GSE1: variants seen among roughly 807,000 people sequenced by gnomAD.
The protein encoded by GSE1 is Gse1 coiled-coil protein.
In GSE1, 32 loss-of-function variants were observed where a neutral mutation model predicts 112.6. The ratio of observed to expected loss-of-function variants is 0.28; its 90% CI spans 0.21 to 0.38. The LOEUF is 0.38. Among genes scored for constraint, GSE1 ranks in the 10% least tolerant of loss-of-function variants. GSE1 has a pLI of 1.00. For missense variants in GSE1, 2,348 were observed against 1,699.2 expected (o/e 1.38, Z -6.71); for synonymous variants, 1,115 against 735.6 (o/e 1.52, Z -8.35).
chr16:85,422,423 G>A (rs962600684), intron 2 of GSE1, among the ~76,000 whole-genome samples: 5 of 152,044 alleles, frequency 3.3e-5, no homozygotes, highest in South Asian at 2.1e-4. Context: ...TTCCTCCCCC[G>A]GAGGCCTGGT....
At chr16:85,531,849 C>T (rs1225830422) in intron 2 of GSE1, among the ~76,000 whole-genome samples, 1 of 152,178 alleles carries the variant, frequency 6.6e-6, no homozygotes, top group African/African-American at 2.4e-5. Flanking sequence ...CAACTGTGGA[C>T]TTGAACTTGG....
intron 2 of GSE1, among the ~76,000 whole-genome samples, chr16:85,397,671 C>T (rs1183664341): frequency 6.6e-6 from 1 of 152,240 alleles, no homozygotes; most frequent in Non-Finnish European, 1.5e-5. Context: ...CACCACCTGC[C>T]ATCTGGCCCC....
chr16:85,329,730 C>T (rs921373560), intron 1 of GSE1, among the ~76,000 whole-genome samples: 1 of 151,958 alleles, frequency 6.6e-6, no homozygotes, highest in Non-Finnish European at 1.5e-5. Flanking sequence ...GCAGGGTAAA[C>T]ACCAGGCGCT....
chr16:85,628,745 G>C (rs564139042), intron 1 of GSE1, among the ~76,000 whole-genome samples: 7 of 152,324 alleles, frequency 4.6e-5, no homozygotes, highest in Non-Finnish European at 8.8e-5. Context: ...AGAACATACA[G>C]AGAGAGAAAA....
chr16:85,490,505 A>T (rs548280961), intron 2 of GSE1: 1 of 152,384 alleles, frequency 6.6e-6, no homozygotes, highest in South Asian at 2.1e-4. Flanking sequence ...AGGAATGATG[A>T]TGTAGGAGGC....
chr16:85,669,067 G>A (rs981434738), intron 14 of GSE1, among the ~76,000 whole-genome samples: 3 of 152,256 alleles, frequency 2.0e-5, no homozygotes, highest in Admixed American at 1.3e-4. Flanking sequence ...CAGGGAGTGG[G>A]GCCACGAAGT....
chr16:85,653,097 G>A (rs529349788), intron 3 of GSE1, among the ~76,000 whole-genome samples: 2 of 149,558 alleles, frequency 1.3e-5, no homozygotes, highest in East Asian at 2.0e-4. Flanking sequence ...GGCTGAGAAC[G>A]GCTGCCCCAG....
At chr16:85,596,742 C>T (rs1372855441) in intron 1 of GSE1, among the ~76,000 whole-genome samples, 5 of 152,154 alleles carry the variant, frequency 3.3e-5, no homozygotes, top group Non-Finnish European at 7.3e-5. Flanking sequence ...TTCTCTTCAT[C>T]ATGGAAAGTT....
rs544100517 is a variant in GSE1 at position 85,671,098 on chromosome 16, G to A, written c.3519G>A (p.Ala1173=). The change falls in exon 15 of 16, where the codon GCG becomes GCA. Residue 1173 remains alanine (A), a splice_region_variant and synonymous_variant. Transcript: ENST00000253458. ...CAGAGCAGCTCTCCCACAGCGTGGC[G>A]GTGAGTTGGGAAGGGATGGAAACCT... ...LTAEQLSHSV[A]ELRSQKQKMV... 70 of 1,577,834 alleles carry A rather than the reference G, an allele frequency of 4.4e-5. No homozygotes were observed. Among genetic ancestry groups the A allele is most frequent in the South Asian group, 3.5e-4 (32 of 90,362 alleles).
intron 2 of GSE1, among the ~76,000 whole-genome samples, chr16:85,541,609 G>A (rs903974003): frequency 2.6e-5 from 4 of 152,246 alleles, no homozygotes; most frequent in South Asian, 2.1e-4. Flanking sequence ...CAGAGGGTTC[G>A]CTTCTGTGCC....
chr16:85,552,320 C>CAGTCTCAGGT (rs1434234907), upstream of GSE1, among the ~76,000 whole-genome samples: 376 of 105,228 alleles, frequency 3.6e-3, no homozygotes, highest in Middle Eastern at 6.7e-3. Context: ...CCACCGCACC[C>CAGTCTCAGGT]GCCCCTCCTT....
upstream of GSE1, among the ~76,000 whole-genome samples, chr16:85,554,462 C>G (rs541969456): frequency 1.6e-3 from 239 of 152,242 alleles, 1 homozygote; most frequent in African/African-American, 5.6e-3. Flanking sequence ...GGTCTATTTG[C>G]CTGGAAGCAT....
chr16:85,448,034 G>C (rs528022899), intron 2 of GSE1, among the ~76,000 whole-genome samples: 2 of 152,176 alleles, frequency 1.3e-5, no homozygotes, highest in South Asian at 2.1e-4. Context: ...GGAAGGAAGC[G>C]TAGGGCACCT....
intron 1 of GSE1, among the ~76,000 whole-genome samples, chr16:85,320,918 C>G (rs2046093812): frequency 6.6e-6 from 1 of 152,180 alleles, no homozygotes; most frequent in Non-Finnish European, 1.5e-5. Flanking sequence ...CCAGAGCTCC[C>G]TTCCTCACTT....
upstream of GSE1, chr16:85,555,797 G>A (rs932066343): frequency 1.0e-6 from 1 of 974,062 alleles, no homozygotes; most frequent in Non-Finnish European, 1.2e-6. Context: ...CGCACGTCCT[G>A]GGGGCTGTTT....
At chr16:85,253,213 C>G (rs942560322) in intron 1 of GSE1, among the ~76,000 whole-genome samples, 1 of 152,162 alleles carries the variant, frequency 6.6e-6, no homozygotes. Context: ...AGGCCTGCCT[C>G]GCCGCCGGCG....
intron 1 of GSE1, among the ~76,000 whole-genome samples, chr16:85,203,126 G>A (rs1456528486): frequency 6.6e-6 from 1 of 152,062 alleles, no homozygotes; most frequent in African/African-American, 2.4e-5. Flanking sequence ...GTCCTCTCCT[G>A]TGGGGGTGCC....
rs998497267 is a variant in GSE1 at position 85,346,427 on chromosome 16, C to T, written c.2284-11036C>T. On this transcript the variant is annotated intron_variant, in intron 1 of 2. Transcript: ENST00000637419. Reference sequence around the variant, plus strand: ...GATGGGCGGGTGGATGGGTGATGGACAGGTGGATGGTGGATGAGTGGATGG... The same window carrying T: ...GATGGGCGGGTGGATGGGTGATGGATAGGTGGATGGTGGATGAGTGGATGG... Among the ~76,000 whole-genome samples, 2 of 11,476 alleles carry T rather than the reference C, an allele frequency of 1.7e-4. 1 individual carries two copies. Among genetic ancestry groups the T allele is most frequent in the East Asian group, 0.05 (2 of 40 alleles). The allele number at this position is 11,476 out of a possible 152,430, so 7.5% of individuals were successfully genotyped here. A position where few individuals can be genotyped will look rare whatever the true frequency, so the allele number is the denominator to read the frequency against.
At chr16:85,171,621 C>A in exon 1 of GSE1, 1 of 985,550 alleles carries the variant, frequency 1.0e-6, no homozygotes, top group Non-Finnish European at 1.2e-6. Context: ...GGCTGAAGTC[C>A]GTGCGGGTGG....
Sources: gnomAD v4.1 joint callset for allele counts (sites outside exome capture counted in the v4.1 genomes callset) on GRCh38, gnomAD v4.1.1 for gene constraint, MANE v1.5 for transcripts, NCBI Gene and HGNC (gene_info 2026-07-23, HGNC 2026-07-21) for gene names.